The following WWC1 variants were observed in gnomAD, a reference collection of about 807,000 sequenced individuals.
WWC1 encodes WW and C2 domain containing 1, also known as protein KIBRA.
Under a neutral mutation model 138.4 loss-of-function variants are expected in WWC1, and 55 were observed. The observed-to-expected ratio is 0.40, with a 90% CI of 0.32 to 0.50. The LOEUF is 0.50. WWC1 is among the 20% of genes least tolerant of loss of function. WWC1 has a pLI of 0.72. For synonymous variants in WWC1, 524 were observed against 564.9 expected, an observed-to-expected ratio of 0.93 and a Z score of 1.03; for missense variants, 1,226 against 1,420.4, an observed-to-expected ratio of 0.86 and a Z score of 2.20.
intron 1 of WWC1, among the ~76,000 whole-genome samples, chr5:168,293,380 G>C (rs1309264022): frequency 6.6e-6 from 1 of 152,112 alleles, no homozygotes; most frequent in Non-Finnish European, 1.5e-5. Context: ...TCTTCATCTT[G>C]TGTGGTGGGG....
At chr5:168,389,187 T>G (rs1778274948) in intron 3 of WWC1, among the ~76,000 whole-genome samples, 1 of 151,884 alleles carries the variant, frequency 6.6e-6, no homozygotes, top group South Asian at 2.1e-4. Context: ...GGTGACTCAC[T>G]TCTGTAATCC....
intron 1 of WWC1, among the ~76,000 whole-genome samples, chr5:168,349,081 G>A (rs1342821213): frequency 1.3e-5 from 2 of 152,126 alleles, no homozygotes; most frequent in Non-Finnish European, 2.9e-5. Flanking sequence ...AGGTGACAGA[G>A]CGAGTTGTTG....
chr5:168,298,292 G>A (rs1216674899), intron 1 of WWC1, among the ~76,000 whole-genome samples: 1 of 152,108 alleles, frequency 6.6e-6, no homozygotes, highest in African/African-American at 2.4e-5. Flanking sequence ...GCCTGCCTCA[G>A]CCTCCCAAAG....
At chr5:168,371,852 G>A (rs1582069343) in intron 2 of WWC1, among the ~76,000 whole-genome samples, 1 of 152,062 alleles carries the variant, frequency 6.6e-6, no homozygotes, top group Non-Finnish European at 1.5e-5. Context: ...GTTTGTATGT[G>A]TGTATGTGTA....
chr5:168,414,618 G>C, intron 9 of WWC1, 28 bp downstream of exon 9: 1 of 1,530,928 alleles, frequency 6.5e-7, no homozygotes, highest in Non-Finnish European at 8.8e-7. Flanking sequence ...GGGTGTGTAG[G>C]ACCCTTCTCT....
intron 1 of WWC1, among the ~76,000 whole-genome samples, chr5:168,369,693 A>AT (rs756675399): frequency 1.3e-5 from 2 of 152,074 alleles, no homozygotes; most frequent in Non-Finnish European, 2.9e-5. Context: ...ACCAAAAGGT[A>AT]TTTTTCATAG....
At chr5:168,430,978 G>C (rs1436481322) in intron 14 of WWC1, among the ~76,000 whole-genome samples, 1 of 152,230 alleles carries the variant, frequency 6.6e-6, no homozygotes, top group Non-Finnish European at 1.5e-5. Flanking sequence ...AGGCTGAATA[G>C]CCTCCTCCAT....
chr5:168,429,228 T>A (rs1211220640), intron 13 of WWC1, among the ~76,000 whole-genome samples: 1 of 151,880 alleles, frequency 6.6e-6, no homozygotes, highest in Admixed American at 6.6e-5. Context: ...CTTTTTGTTT[T>A]CTTTTGTTGG....
At chr5:168,301,998 G>A (rs561830835) in intron 1 of WWC1, among the ~76,000 whole-genome samples, 1 of 152,304 alleles carries the variant, frequency 6.6e-6, no homozygotes, top group East Asian at 1.9e-4. Flanking sequence ...CTTATCAGGG[G>A]CAAGCCCTTC....
At chr5:168,321,460 T>G (rs1341604052) in intron 1 of WWC1, among the ~76,000 whole-genome samples, 2 of 151,968 alleles carry the variant, frequency 1.3e-5, no homozygotes, top group Non-Finnish European at 2.9e-5. Flanking sequence ...AAAAGTTAGT[T>G]CCTCAAGAAA....
At chr5:168,405,210 G>A (rs1446588150) in intron 5 of WWC1, among the ~76,000 whole-genome samples, 4 of 152,070 alleles carry the variant, frequency 2.6e-5, no homozygotes, top group African/African-American at 9.7e-5. Context: ...TTTCTTCATT[G>A]TGTTCATTAG....
At chr5:168,465,090 G>T in intron 21 of WWC1, 128 bp downstream of exon 21, 1 of 1,369,932 alleles carries the variant, frequency 7.3e-7, no homozygotes, top group Non-Finnish European at 9.7e-7. Context: ...TCCACTGAGG[G>T]TGTTCCACCC....
chr5:168,407,622 T>A (rs1582188147), intron 6 of WWC1, among the ~76,000 whole-genome samples: 1 of 152,306 alleles, frequency 6.6e-6, no homozygotes. Context: ...GATTAGTGGT[T>A]GAGATCATGG....
intron 20 of WWC1, among the ~76,000 whole-genome samples, chr5:168,463,899 A>G (rs1304833178): frequency 6.6e-6 from 1 of 152,186 alleles, no homozygotes; most frequent in Non-Finnish European, 1.5e-5. Flanking sequence ...GATGACCATG[A>G]TCAGTCCCAG....
chr5:168,402,438 C>T (rs1006081822), intron 5 of WWC1, among the ~76,000 whole-genome samples: 4 of 152,080 alleles, frequency 2.6e-5, no homozygotes, highest in African/African-American at 7.2e-5. Flanking sequence ...TTGGAAAATC[C>T]GTGTCAAGTG....
At chr5:168,345,794 T>G (rs1437421579) in intron 1 of WWC1, among the ~76,000 whole-genome samples, 1 of 152,178 alleles carries the variant, frequency 6.6e-6, no homozygotes, top group African/African-American at 2.4e-5. Flanking sequence ...TGACTCTTAT[T>G]TCTCTAAGTG....
At chr5:168,451,129 C>T (rs1240252949) in intron 17 of WWC1, among the ~76,000 whole-genome samples, 1 of 152,108 alleles carries the variant, frequency 6.6e-6, no homozygotes, top group Non-Finnish European at 1.5e-5. Flanking sequence ...AGCGATTCTC[C>T]TGTCTCAGCC....
chr5:168,349,346 A>G (rs1561642536), intron 1 of WWC1, among the ~76,000 whole-genome samples: 1 of 151,900 alleles, frequency 6.6e-6, no homozygotes, highest in Non-Finnish European at 1.5e-5. Context: ...AATCTTTTGT[A>G]TATGACACCC....
At chr5:168,394,115 A>G (rs1401980966) in intron 3 of WWC1, among the ~76,000 whole-genome samples, 3 of 152,150 alleles carry the variant, frequency 2.0e-5, no homozygotes, top group African/African-American at 7.2e-5. Flanking sequence ...GGGCTGGGGA[A>G]GGGAAGGAAG....
Sources: allele counts gnomAD v4.1 joint callset (sites outside exome capture counted in the v4.1 genomes callset), GRCh38; gene constraint gnomAD v4.1.1; transcripts MANE v1.5; gene names NCBI Gene and HGNC (gene_info 2026-07-23, HGNC 2026-07-21).